Variants in PALS2 observed in about 807,000 individuals in gnomAD.
The protein encoded by PALS2 is protein PALS2.
A neutral mutation model predicts 61.6 loss-of-function variants in PALS2; 27 were observed. The ratio of observed to expected loss-of-function variants is 0.44; its 90% CI spans 0.32 to 0.60. The LOEUF (loss-of-function observed/expected upper bound fraction) is 0.60, where lower values mean the gene tolerates loss of function less well. Ranked by LOEUF, PALS2 falls within the 20% of genes least tolerant of loss-of-function variation. PALS2 has a pLI of 0.05. For missense variants in PALS2, 554 were observed against 639.4 expected (o/e 0.87, Z 1.44); for synonymous variants, 236 against 218.6 (o/e 1.08, Z -0.70).
chr7:24,630,009 T>C (rs1784927036), intron 2 of PALS2, among the ~76,000 whole-genome samples: 1 of 152,186 alleles, frequency 6.6e-6, no homozygotes. Flanking sequence ...ATCATTCTAC[T>C]ATAAAGACAC....
chr7:24,629,550 T>A (rs1431421875), intron 2 of PALS2, among the ~76,000 whole-genome samples: 1 of 152,064 alleles, frequency 6.6e-6, no homozygotes, highest in East Asian at 1.9e-4. Flanking sequence ...ACAGGCAGCC[T>A]ACAGAATGGG....
chr7:24,604,219 GAAA>G (rs58169190), intron 1 of PALS2, among the ~76,000 whole-genome samples: 6,673 of 86,158 alleles, frequency 0.077, 115 homozygotes, highest in Non-Finnish European at 0.098. Context: ...TTCAAGAAAA[GAAA>G]AAAAAAAAAA....
At chr7:24,622,143 C>T (rs1470983981) in intron 1 of PALS2, among the ~76,000 whole-genome samples, 8 of 151,834 alleles carry the variant, frequency 5.3e-5, no homozygotes, top group Admixed American at 5.2e-4. Context: ...ACTCTTTTGG[C>T]TATTCTGGTT....
At chr7:24,632,380 T>G (rs891301243) in intron 2 of PALS2, among the ~76,000 whole-genome samples, 4 of 152,198 alleles carry the variant, frequency 2.6e-5, no homozygotes, top group Non-Finnish European at 2.9e-5. Flanking sequence ...ATTCGATCTT[T>G]TTTAATTCAC....
intron 2 of PALS2, among the ~76,000 whole-genome samples, chr7:24,628,914 C>G (rs980293980): frequency 6.6e-6 from 1 of 152,094 alleles, no homozygotes; most frequent in African/African-American, 2.4e-5. Flanking sequence ...GGTGATACTG[C>G]CCAAAGTAAT....
At chr7:24,682,666 G>A (rs760643895) in intron 11 of PALS2, among the ~76,000 whole-genome samples, 1 of 152,134 alleles carries the variant, frequency 6.6e-6, no homozygotes, top group African/African-American at 2.4e-5. Context: ...TAATTGTTAG[G>A]TGGGAGAGTT....
intron 1 of PALS2, among the ~76,000 whole-genome samples, chr7:24,599,090 G>A (rs1003682081): frequency 1.3e-5 from 2 of 152,138 alleles, no homozygotes; most frequent in Admixed American, 6.6e-5. Context: ...ATCATTGGGC[G>A]ATTTCATGAT....
intron 3 of PALS2, among the ~76,000 whole-genome samples, chr7:24,643,962 C>T (rs1052345714): frequency 6.6e-6 from 1 of 152,160 alleles, no homozygotes; most frequent in East Asian, 1.9e-4. Flanking sequence ...TGGCCTAATC[C>T]TTTCTTTGAT....
At chr7:24,681,589 T>G (rs1787934505) in intron 11 of PALS2, among the ~76,000 whole-genome samples, 1 of 151,836 alleles carries the variant, frequency 6.6e-6, no homozygotes, top group African/African-American at 2.4e-5. Flanking sequence ...ATCAACACAT[T>G]GAATTTACTC....
In PALS2 at chr7:24,690,052, T is replaced by C. The variant is rs1788397877; in HGVS notation, c.*2438T>C. 6.6e-6 allele frequency: 1 copy of C among 152,246 alleles called. No homozygotes were observed. Among genetic ancestry groups the C allele is most frequent in the Admixed American group, 6.5e-5 (1 of 15,288 alleles). 9.4% of individuals were successfully genotyped at this position (152,246 alleles called of 1,614,324 possible). A position where few individuals can be genotyped will look rare whatever the true frequency, so the allele number is the denominator to read the frequency against. ...ATATACTTAAAGGAATTATTTCTAT[T>C]ATAAATGGTATTCATGATTGACTAC... is the stretch of plus-strand genomic sequence containing the variant. On this transcript the variant is annotated 3_prime_UTR_variant, in exon 12 of 12. Coordinates refer to ENST00000222644, the MANE Select transcript of PALS2 (RefSeq NM_001303037.2).
At chr7:24,579,060 T>G (rs548838056) in intron 1 of PALS2, among the ~76,000 whole-genome samples, 1 of 152,354 alleles carries the variant, frequency 6.6e-6, no homozygotes, top group East Asian at 1.9e-4. Flanking sequence ...TCTAACTTCC[T>G]TTATATAAAG....
At chr7:24,678,858 A>G (rs1429977975) in intron 9 of PALS2, among the ~76,000 whole-genome samples, 1 of 152,200 alleles carries the variant, frequency 6.6e-6, no homozygotes, top group East Asian at 1.9e-4. Flanking sequence ...AAAGGGCCAC[A>G]TGGTAAAGTT....
chr7:24,630,554 C>T (rs113272379), intron 2 of PALS2, among the ~76,000 whole-genome samples: 6 of 152,232 alleles, frequency 3.9e-5, no homozygotes, highest in African/African-American at 1.2e-4. Flanking sequence ...TCATTGATTC[C>T]AGTGGCTACA....
chr7:24,601,760 T>C (rs970247265), intron 1 of PALS2, among the ~76,000 whole-genome samples: 13 of 152,214 alleles, frequency 8.5e-5, no homozygotes, highest in Middle Eastern at 6.8e-3. Flanking sequence ...AAAGAATTCC[T>C]GGGGGAAATG....
chr7:24,665,714 A>C lies in PALS2; in HGVS notation c.883+27A>C, dbSNP rs1301997366. ...TGATGAGCTCGACACAATAAGTAAC[A>C]AGCAGTCCTTTGTGACCACCTTTCT... On this transcript the variant is annotated intron_variant, in intron 7 of 11. Transcript: ENST00000222644. 1.9e-6 allele frequency: 3 copies of C among 1,585,938 alleles called. No homozygotes were observed. In the African/African-American group the frequency reaches 4.0e-5, roughly 21 times the overall value.
At chr7:24,606,623 T>G (rs1406466126) in intron 1 of PALS2, among the ~76,000 whole-genome samples, 1 of 152,146 alleles carries the variant, frequency 6.6e-6, no homozygotes, top group African/African-American at 2.4e-5. Flanking sequence ...TTCATTTTGT[T>G]TTTTTGAGAT....
Position 24,687,632 on chromosome 7 carries a change from C to T in PALS2, c.*18C>T, listed in dbSNP as rs770062784. ...TTTACTGATGATTCAGTAAGGTTAA[C>T]AATGAAAATTAAACTCTTAAAAAGT... is the stretch of plus-strand genomic sequence containing the variant. On this transcript the variant is annotated 3_prime_UTR_variant, in exon 12 of 12. Coordinates refer to ENST00000222644, the MANE Select transcript of PALS2 (RefSeq NM_001303037.2). The surrounding 1 kb of genome is among the most constrained non-coding windows in gnomAD (Gnocchi z 4.5). 3.1e-5 allele frequency: 49 copies of T among 1,573,886 alleles called. No individual in the cohort carries two copies. Among genetic ancestry groups the T allele is most frequent in the Non-Finnish European group, 9.4e-6 (11 of 1,166,048 alleles).
intron 1 of PALS2, among the ~76,000 whole-genome samples, chr7:24,614,222 C>G (rs1466060117): frequency 6.6e-6 from 1 of 151,550 alleles, no homozygotes; most frequent in African/African-American, 2.4e-5. Context: ...TAAAAGAGTT[C>G]CTTTTTCTCC....
At chr7:24,686,613 G>C (rs1443730144) in intron 11 of PALS2, among the ~76,000 whole-genome samples, 1 of 152,030 alleles carries the variant, frequency 6.6e-6, no homozygotes, top group Non-Finnish European at 1.5e-5. Context: ...TTCTTTCATG[G>C]TAGTTATCAC....
Sources: gnomAD v4.1 joint callset for allele counts (sites outside exome capture counted in the v4.1 genomes callset) on GRCh38, gnomAD v4.1.1 for gene constraint, Gnocchi (gnomAD v3.1) non-coding constraint, MANE v1.5 for transcripts, NCBI Gene and HGNC (gene_info 2026-07-23, HGNC 2026-07-21) for gene names.